The following MAML3 variants were observed in gnomAD, a reference collection of about 807,000 sequenced individuals.
MAML3 encodes mastermind-like protein 3.
In MAML3, 27 loss-of-function variants were observed where a neutral mutation model predicts 101.9. The observed-to-expected ratio is 0.27, with a 90% CI of 0.20 to 0.37. The LOEUF (loss-of-function observed/expected upper bound fraction) is 0.37, where lower values mean the gene tolerates loss of function less well. Ranked by LOEUF, MAML3 falls within the 10% of genes least tolerant of loss-of-function variation. The probability of loss-of-function intolerance (pLI) is 1.00; values close to 1 mark genes in which losing one functional copy is unlikely to be tolerated. For missense variants in MAML3, 1,316 were observed against 1,444.9 expected (o/e 0.91, Z 1.45); for synonymous variants, 501 against 555.9 (o/e 0.90, Z 1.39).
intron 4 of MAML3, among the ~76,000 whole-genome samples, chr4:139,720,878 C>A (rs1164945972): frequency 6.6e-6 from 1 of 152,160 alleles, no homozygotes; most frequent in Non-Finnish European, 1.5e-5. Flanking sequence ...TCAATAAAGA[C>A]CATTAGACTA....
At chr4:139,749,901 T>G (rs1345102352) in intron 2 of MAML3, among the ~76,000 whole-genome samples, 1 of 125,382 alleles carries the variant, frequency 8.0e-6, no homozygotes, top group East Asian at 2.6e-4. Context: ...CCCCACCCTA[T>G]TCTGCCAAAA....
chr4:140,058,566 GTATA>G (rs10545710), intron 1 of MAML3, among the ~76,000 whole-genome samples: 27 of 148,412 alleles, frequency 1.8e-4, no homozygotes, highest in Admixed American at 2.0e-4. Context: ...TATAATACAT[GTATA>G]TATATATATA....
chr4:139,821,318 C>A, intron 2 of MAML3, among the ~76,000 whole-genome samples: 1 of 152,148 alleles, frequency 6.6e-6, no homozygotes, highest in East Asian at 1.9e-4. Context: ...AGCATTACCC[C>A]CTAAGCTCCG....
At chr4:139,780,823 T>C (rs1350805857) in intron 2 of MAML3, among the ~76,000 whole-genome samples, 2 of 152,002 alleles carry the variant, frequency 1.3e-5, no homozygotes. Context: ...AGAGACGGGT[T>C]TTACAATGTT....
chr4:139,854,198 G>C (rs570372677), intron 2 of MAML3, among the ~76,000 whole-genome samples: 1 of 152,024 alleles, frequency 6.6e-6, no homozygotes, highest in South Asian at 2.1e-4. Flanking sequence ...CAGGTCATTT[G>C]AGAATTAAGT....
Position 139,909,801 on chromosome 4 carries a change from C to T in MAML3, c.469-18834G>A, listed in dbSNP as rs190314952. 7.2e-3 allele frequency among the ~76,000 whole-genome samples: 937 copies of T among 130,134 alleles called. 4 individuals are homozygous for T. Among genetic ancestry groups the T allele is most frequent in the Non-Finnish European group, 0.012 (752 of 64,920 alleles). 85.4% of individuals were successfully genotyped at this position (130,134 alleles called of 152,430 possible). On this transcript the variant is annotated intron_variant, in intron 1 of 4. Coordinates refer to ENST00000509479, the MANE Select transcript of MAML3 (RefSeq NM_018717.5). ...GTGGTGAGCCGAGATCACCCCACTG[C>T]ATTCCAGCCTGGGCCACAGAGTGCG...
Position 140,068,236 on chromosome 4 carries a change from G to A in MAML3, c.468+84624C>T, listed in dbSNP as rs186549113. Among the ~76,000 whole-genome samples the A allele has an allele frequency of 7.9e-4, 120 of 152,190 alleles. 3 individuals are homozygous for A. Among genetic ancestry groups the A allele is most frequent in the African/African-American group, 1.2e-3 (49 of 41,528 alleles). ...TTTGGTGCCATGTTTTGCAACTGCC[G>A]CAGTGGCTTTATTAATCTTTGCATT... is the stretch of plus-strand genomic sequence containing the variant. On this transcript the variant is annotated intron_variant, in intron 1 of 4. Transcript: ENST00000509479.
intron 4 of MAML3, among the ~76,000 whole-genome samples, chr4:139,721,848 C>T (rs1728247025): frequency 6.6e-6 from 1 of 152,102 alleles, no homozygotes; most frequent in South Asian, 2.1e-4. Flanking sequence ...GTAGTATATA[C>T]TGCAACTTGT....
intron 1 of MAML3, among the ~76,000 whole-genome samples, chr4:140,022,836 T>C (rs1224039142): frequency 6.6e-6 from 1 of 152,210 alleles, no homozygotes; most frequent in East Asian, 1.9e-4. Context: ...TGTATAACCC[T>C]AGTTCAAATA....
At chr4:139,946,884 G>A (rs948574472) in intron 1 of MAML3, among the ~76,000 whole-genome samples, 2 of 133,510 alleles carry the variant, frequency 1.5e-5, no homozygotes, top group Non-Finnish European at 3.2e-5. Context: ...TCCAGGCAGA[G>A]TAAGCCACAC....
intron 2 of MAML3, among the ~76,000 whole-genome samples, chr4:139,769,696 A>G (rs767097386): frequency 6.6e-6 from 1 of 151,350 alleles, no homozygotes; most frequent in South Asian, 2.1e-4. Flanking sequence ...GCTCACCACA[A>G]CCTCCGCCTC....
intron 2 of MAML3, among the ~76,000 whole-genome samples, chr4:139,846,485 C>T (rs999866496): frequency 6.6e-6 from 1 of 152,048 alleles, no homozygotes; most frequent in Admixed American, 6.6e-5. Flanking sequence ...GTAGCTGGGA[C>T]TATAGGCGTG....
intron 1 of MAML3, among the ~76,000 whole-genome samples, chr4:140,127,796 G>A (rs149631319): frequency 6.6e-6 from 1 of 152,324 alleles, no homozygotes; most frequent in East Asian, 1.9e-4. Flanking sequence ...GTGGGGAAAT[G>A]AGGCCCAGAT....
intron 1 of MAML3, among the ~76,000 whole-genome samples, chr4:139,936,980 A>C (rs563541541): frequency 6.6e-6 from 1 of 152,312 alleles, no homozygotes; most frequent in South Asian, 2.1e-4. Flanking sequence ...AGGGAGAGTC[A>C]AGTTTCTACC....
chr4:139,731,616 C>CA (rs146139547), intron 2 of MAML3, among the ~76,000 whole-genome samples: 4,592 of 150,474 alleles, frequency 0.031, 99 homozygotes, highest in Non-Finnish European at 0.047. Context: ...GACTCTTTCT[C>CA]AAAAAAAAAG....
intron 1 of MAML3, among the ~76,000 whole-genome samples, chr4:140,055,501 C>G (rs577583280): frequency 1.3e-5 from 2 of 152,166 alleles, no homozygotes; most frequent in Non-Finnish European, 2.9e-5. Context: ...GCTGCCTGGA[C>G]GACAACATGT....
At chr4:140,107,866 G>T (rs916190262) in intron 1 of MAML3, among the ~76,000 whole-genome samples, 3 of 151,006 alleles carry the variant, frequency 2.0e-5, no homozygotes, top group African/African-American at 7.3e-5. Context: ...AAAAAATGAC[G>T]GTGGGGTGAG....
At chr4:139,925,475 C>G (rs1160110340) in intron 1 of MAML3, among the ~76,000 whole-genome samples, 1 of 151,908 alleles carries the variant, frequency 6.6e-6, no homozygotes, top group African/African-American at 2.4e-5. Flanking sequence ...GGCAATCCAC[C>G]TGCCTTGGCC....
intron 1 of MAML3, among the ~76,000 whole-genome samples, chr4:139,926,361 G>T (rs1231033670): frequency 1.3e-5 from 2 of 152,176 alleles, no homozygotes; most frequent in African/African-American, 4.8e-5. Context: ...CACTTTGGGA[G>T]GCCGAGGCGG....
Sources: allele counts gnomAD v4.1 joint callset (sites outside exome capture counted in the v4.1 genomes callset), GRCh38; gene constraint gnomAD v4.1.1; transcripts MANE v1.5; gene names NCBI Gene and HGNC (gene_info 2026-07-23, HGNC 2026-07-21).